The following ABCG5 variants were observed in gnomAD, a reference collection of about 807,000 sequenced individuals.
ABCG5 encodes the protein ATP-binding cassette sub-family G member 5.
In ABCG5, 64 loss-of-function variants were observed where a neutral mutation model predicts 64.5. That is an observed-to-expected ratio of 0.99 (90% CI 0.81 to 1.22). ABCG5 has a LOEUF of 1.22. Among genes scored for constraint, ABCG5 ranks in the 50% most tolerant of loss-of-function variants. ABCG5 has a pLI of 0.00. For synonymous variants in ABCG5, 385 were observed against 326.3 expected (o/e 1.18, Z -1.94); for missense variants, 908 against 829.5 (o/e 1.09, Z -1.16).
At chr2:43,832,222 C>G in intron 2 of ABCG5, 139 bp from the exon 3 acceptor site, 1 of 1,174,172 alleles carries the variant, frequency 8.5e-7, no homozygotes, top group Admixed American at 2.0e-5. Flanking sequence ...GTTAAGGACA[C>G]AGCAGGATAC....
In ABCG5 at chr2:43,824,417, A is replaced by G. The variant is rs373926312; in HGVS notation, c.920T>C (p.Val307Ala). 3 of 1,613,854 alleles carry G rather than the reference A, an allele frequency of 1.9e-6. No homozygotes were observed. The highest frequency in any genetic ancestry group is 2.7e-5 in the African/African-American group (2 of 74,910). ...PFDFYMDLTS[V>A]DTQSKEREIE... ...TTCCCGTTCCTTGCTTTGGGTATCC[A>G]CTGACGTCAGGTCCACTAAAAGTTT... Residue 307 changes from valine to alanine, a missense_variant, in exon 8 of 13, where the codon GTG becomes GCG. Val to Ala is a moderately conservative substitution (Grantham distance 64). Transcript: ENST00000405322.
At chr2:43,824,827 G>A (rs1667487274) in intron 7 of ABCG5, 62 bp downstream of exon 7, 2 of 1,596,516 alleles carry the variant, frequency 1.3e-6, no homozygotes, top group Non-Finnish European at 8.6e-7. Flanking sequence ...CATCCAGGCA[G>A]AAGTCTGAGA....
chr2:43,839,116 G>T (rs574659773), upstream of ABCG5: 4 of 1,551,176 alleles, frequency 2.6e-6, no homozygotes, highest in South Asian at 2.4e-5. Context: ...AGGATACCTC[G>T]GTGAGTGAGC....
In ABCG5 at chr2:43,838,340, G is replaced by A. The variant is rs1668413054; in HGVS notation, c.143+197C>T. 2 of 631,374 alleles carry A rather than the reference G, an allele frequency of 3.2e-6. No individual in the cohort carries two copies. The highest frequency in any genetic ancestry group is 5.5e-6 in the Non-Finnish European group (2 of 365,734). The allele number at this position is 631,374 out of a possible 1,614,324, so 39.1% of individuals were successfully genotyped here. On this transcript the variant is annotated intron_variant, in intron 1 of 12. Transcript: ENST00000405322. This position sits in a 1 kb window ranked among gnomAD's most constrained non-coding sequence, Gnocchi z 4.2. ...TGTTTATGCCCAGGCCCTTCCCTGG[G>A]CAGGGGGAGGGGCCATTCACTGTCG...
chr2:43,835,745 A>G (rs1668221849), intron 2 of ABCG5, among the ~76,000 whole-genome samples: 1 of 152,284 alleles, frequency 6.6e-6, no homozygotes, highest in East Asian at 1.9e-4. Flanking sequence ...CACTTCTGCC[A>G]TGCAAGGTTA....
Position 43,814,509 on chromosome 2 carries a change from A to G in ABCG5, c.1730T>C (p.Val577Ala). 1 of 1,608,820 alleles carries G rather than the reference A, an allele frequency of 6.2e-7. No individual in the cohort carries two copies. The highest frequency in any genetic ancestry group is 1.1e-5 in the South Asian group (1 of 90,854). The change falls in exon 12 of 13, where the codon GTC becomes GCC. Residue 577 changes from valine to alanine, a missense_variant. Coordinates refer to ENST00000405322, the MANE Select transcript of ABCG5 (RefSeq NM_022436.3). Reference protein sequence around the residue: ...FQKYCSEILVVNEFYGLNFTC... With the variant: ...FQKYCSEILVANEFYGLNFTC... ...GAAATTCAGTCCGTAGAACTCATTG[A>G]CTACAAGAATCTCACTGCAATATTT... is the stretch of plus-strand genomic sequence containing the variant.
At chr2:43,825,100 G>A in intron 6 of ABCG5, 82 bp from the exon 7 acceptor site, 1 of 1,550,366 alleles carries the variant, frequency 6.5e-7, no homozygotes, top group Non-Finnish European at 8.8e-7. Flanking sequence ...ACTGATGCAG[G>A]GCCAAGGTCA....
At position 43,824,880 on chromosome 2, in the gene ABCG5, A is replaced by T; in HGVS notation, c.904+9T>A. On this transcript the variant is annotated intron_variant, in intron 7 of 12. Transcript: ENST00000405322. ...CATTCATGATGGGGAATGTGAAAGA[A>T]AAACTTACTATAGAAGTCAAAAGGG... 6.2e-7 allele frequency: 1 copy of T among 1,613,898 alleles called. No homozygotes were observed. Among genetic ancestry groups the T allele is most frequent in the Non-Finnish European group, 8.5e-7 (1 of 1,179,836 alleles).
downstream of ABCG5, among the ~76,000 whole-genome samples, chr2:43,808,811 G>C (rs368210242): frequency 6.6e-6 from 1 of 152,138 alleles, no homozygotes; most frequent in African/African-American, 2.4e-5. Flanking sequence ...GTGAATGAAC[G>C]CTAATTATTT....
chr2:43,837,885 C>A lies in ABCG5; in HGVS notation c.214G>T (p.Val72Phe). Residue 72 changes from valine to phenylalanine, a missense_variant, in exon 2 of 13, where the codon GTC becomes TTC. Val to Phe is a conservative substitution (Grantham distance 50). Transcript: ENST00000405322. ...QQWTRQILKD[V>F]SLYVESGQIM... is the part of the protein sequence containing the mutation. ...TGCCCGCTCTCCACGTACAAGGAGA[C>A]ATCTTTGAGGATCTGCCTGGTCCAC... 6.2e-7 allele frequency: 1 copy of A among 1,614,172 alleles called. No individual in the cohort carries two copies. Among genetic ancestry groups the A allele is most frequent in the Non-Finnish European group, 8.5e-7 (1 of 1,180,006 alleles).
chr2:43,818,154 C>T (rs1666963654), intron 11 of ABCG5, among the ~76,000 whole-genome samples: 1 of 152,010 alleles, frequency 6.6e-6, no homozygotes, highest in Non-Finnish European at 1.5e-5. Context: ...TATGGCTACT[C>T]AAAATACAGT....
chr2:43,833,527 C>T (rs889264343), intron 2 of ABCG5, among the ~76,000 whole-genome samples: 5 of 151,442 alleles, frequency 3.3e-5, no homozygotes, highest in African/African-American at 9.7e-5. Context: ...GGACTGCAGG[C>T]GCCGGCCACC....
At chr2:43,825,607 ATTGTTG>A (rs796263854) in intron 6 of ABCG5, among the ~76,000 whole-genome samples, 3 of 132,020 alleles carry the variant, frequency 2.3e-5, no homozygotes, top group Admixed American at 1.5e-4. Context: ...TTTTGTTGTT[ATTGTTG>A]TTGTTGTTGT....
At chr2:43,820,152 A>G (rs1173282387) in intron 10 of ABCG5, 52 bp from the exon 11 acceptor site, 3 of 1,565,644 alleles carry the variant, frequency 1.9e-6, no homozygotes, top group Non-Finnish European at 2.6e-6. Flanking sequence ...TCATTTAAGA[A>G]AAATACTGCA....
chr2:43,809,611 T>A, downstream of ABCG5: 1 of 783,138 alleles, frequency 1.3e-6, no homozygotes, highest in Non-Finnish European at 2.1e-6. Flanking sequence ...TAAGGATTCA[T>A]TGATATATCT....
chr2:43,822,470 TCCCCCA>T, intron 10 of ABCG5: 4 of 354,554 alleles, frequency 1.1e-5, no homozygotes, highest in Non-Finnish European at 1.4e-5. Flanking sequence ...CTTTCTCCCC[TCCCCCA>T]GGCCCCCCCC....
At chr2:43,830,613 A>G (rs947644009) in intron 4 of ABCG5, among the ~76,000 whole-genome samples, 2 of 152,240 alleles carry the variant, frequency 1.3e-5, no homozygotes, top group African/African-American at 4.8e-5. Context: ...ATTACTTATC[A>G]GGATTTTACA....
intron 4 of ABCG5, among the ~76,000 whole-genome samples, chr2:43,830,458 G>T (rs1205895259): frequency 1.3e-5 from 2 of 152,246 alleles, no homozygotes; most frequent in Non-Finnish European, 2.9e-5. Context: ...CTCTGAAGTG[G>T]TCCAGGAAGC....
chr2:43,820,190 G>C, intron 10 of ABCG5, 90 bp from the exon 11 acceptor site: 1 of 1,476,502 alleles, frequency 6.8e-7, no homozygotes, highest in Non-Finnish European at 9.3e-7. Context: ...ATCCTTTGTG[G>C]TGAGTGGGTG....
Sources: gnomAD v4.1 joint callset for allele counts (sites outside exome capture counted in the v4.1 genomes callset) on GRCh38, gnomAD v4.1.1 for gene constraint, Gnocchi (gnomAD v3.1) non-coding constraint, MANE v1.5 for transcripts, NCBI Gene and HGNC (gene_info 2026-07-23, HGNC 2026-07-21) for gene names.